Variants in SLC8A1 observed in about 807,000 individuals in gnomAD.
The protein encoded by SLC8A1 is solute carrier family 8 member A1, also known as sodium/calcium exchanger 1.
A neutral mutation model predicts 68.3 loss-of-function variants in SLC8A1; 18 were observed. The observed-to-expected ratio is 0.26, with a 90% confidence interval of 0.18 to 0.39. The LOEUF (loss-of-function observed/expected upper bound fraction) is 0.39, where lower values mean the gene tolerates loss of function less well. SLC8A1 is among the 10% of genes least tolerant of loss of function. The probability of loss-of-function intolerance (pLI) is 1.00; values close to 1 mark genes in which losing one functional copy is unlikely to be tolerated. For missense variants in SLC8A1, 985 were observed against 1,156.7 expected (o/e 0.85, Z 2.15); for synonymous variants, 475 against 415.5 (o/e 1.14, Z -1.74).
chr2:40,155,382 G>T (rs2044285393), intron 6 of SLC8A1, among the ~76,000 whole-genome samples: 2 of 152,106 alleles, frequency 1.3e-5, no homozygotes, highest in Non-Finnish European at 2.9e-5. Flanking sequence ...ACCTGCCTCG[G>T]CCTCCCAAAG....
exon 8 of SLC8A1, chr2:40,108,387 C>T: frequency 6.6e-6 from 1 of 152,140 alleles, no homozygotes; most frequent in Non-Finnish European, 1.5e-5. Flanking sequence ...TTTCTGGAAA[C>T]TGGGATTTAT....
At chr2:40,177,965 G>A in intron 2 of SLC8A1, 1 of 729,018 alleles carries the variant, frequency 1.4e-6, no homozygotes, top group Non-Finnish European at 2.4e-6. Flanking sequence ...AGAACTGGCA[G>A]CACATGGGCC....
chr2:40,243,743 T>G (rs928522427), intron 2 of SLC8A1, among the ~76,000 whole-genome samples: 2 of 152,178 alleles, frequency 1.3e-5, no homozygotes, highest in African/African-American at 4.8e-5. Flanking sequence ...GAAAATACAT[T>G]CACAGTGGGA....
intron 2 of SLC8A1, among the ~76,000 whole-genome samples, chr2:40,258,849 C>CA (rs1169653145): frequency 6.7e-6 from 1 of 149,336 alleles, no homozygotes; most frequent in African/African-American, 2.5e-5. Flanking sequence ...CTCAAAAAAA[C>CA]AAAAAACAAA....
chr2:40,179,972 A>C (rs1354510461), intron 2 of SLC8A1, among the ~76,000 whole-genome samples: 1 of 152,194 alleles, frequency 6.6e-6, no homozygotes, highest in African/African-American at 2.4e-5. Flanking sequence ...GCTAAAGAAC[A>C]TTCTTGAATG....
intron 2 of SLC8A1, among the ~76,000 whole-genome samples, chr2:40,326,823 C>T (rs1008730221): frequency 1.1e-4 from 16 of 152,104 alleles, no homozygotes; most frequent in African/African-American, 3.9e-4. Context: ...TCTGTTTGAT[C>T]CATTTAAATT....
chr2:40,447,740 A>G (rs1377886119), intron 1 of SLC8A1, among the ~76,000 whole-genome samples: 1 of 152,232 alleles, frequency 6.6e-6, no homozygotes, highest in Non-Finnish European at 1.5e-5. Context: ...AGTTTCAGAT[A>G]CTATTTTGCC....
chr2:40,346,678 A>C (rs72943169), intron 2 of SLC8A1, among the ~76,000 whole-genome samples: 2,057 of 152,284 alleles, frequency 0.014, 56 homozygotes, highest in African/African-American at 0.046. Context: ...GAGAGGGGAA[A>C]AAGTCTGAGT....
At chr2:40,476,348 G>T (rs1704297378) in intron 1 of SLC8A1, among the ~76,000 whole-genome samples, 1 of 152,130 alleles carries the variant, frequency 6.6e-6, no homozygotes, top group Non-Finnish European at 1.5e-5. Flanking sequence ...CTTGATACCT[G>T]CTGGAGGCAA....
intron 2 of SLC8A1, among the ~76,000 whole-genome samples, chr2:40,422,342 T>C (rs1211006611): frequency 6.6e-6 from 1 of 152,142 alleles, no homozygotes; most frequent in African/African-American, 2.4e-5. Context: ...AAAACCTCAA[T>C]AGTTCCCATG....
At chr2:40,319,324 T>C (rs571739418) in intron 2 of SLC8A1, among the ~76,000 whole-genome samples, 40 of 152,224 alleles carry the variant, frequency 2.6e-4, no homozygotes, top group African/African-American at 9.4e-4. Flanking sequence ...TTTGCTTTCT[T>C]TCACTATTCT....
intron 7 of SLC8A1, among the ~76,000 whole-genome samples, chr2:40,134,955 A>G (rs1328546503): frequency 2.6e-5 from 4 of 152,248 alleles, no homozygotes; most frequent in Non-Finnish European, 5.9e-5. Context: ...TGACTACTTC[A>G]CAGTTGGTGA....
At chr2:40,451,537 G>C (rs1702486628) in intron 1 of SLC8A1, among the ~76,000 whole-genome samples, 1 of 152,146 alleles carries the variant, frequency 6.6e-6, no homozygotes, top group Non-Finnish European at 1.5e-5. Flanking sequence ...ATTCGGGGTG[G>C]ACTTAGCTCT....
intron 2 of SLC8A1, among the ~76,000 whole-genome samples, chr2:40,381,878 C>T (rs1352349915): frequency 6.6e-6 from 1 of 151,820 alleles, no homozygotes; most frequent in Non-Finnish European, 1.5e-5. Flanking sequence ...AACTCCTCTT[C>T]CATACCTCTC....
intron 2 of SLC8A1, among the ~76,000 whole-genome samples, chr2:40,235,724 C>T (rs2060275343): frequency 6.6e-6 from 1 of 150,948 alleles, no homozygotes; most frequent in Non-Finnish European, 1.5e-5. Context: ...CCTGCTTTCT[C>T]TTGTGGGCAT....
At chr2:40,463,392 A>G (rs1703457177) in intron 1 of SLC8A1, among the ~76,000 whole-genome samples, 1 of 152,088 alleles carries the variant, frequency 6.6e-6, no homozygotes, top group Admixed American at 6.5e-5. Flanking sequence ...GTCGGAATTA[A>G]TTTTTTGCTT....
In SLC8A1 at chr2:40,445,682, A is replaced by G. The variant is rs147830766; in HGVS notation, c.-25+6222T>C. Among the ~76,000 whole-genome samples, 1,219 of 152,316 alleles carry G rather than the reference A, an allele frequency of 8.0e-3. 47 individuals carry two copies. Among genetic ancestry groups the G allele is most frequent in the Admixed American group, 0.062 (946 of 15,300 alleles). On this transcript the variant is annotated intron_variant, in intron 1 of 7. Transcript: ENST00000406785. ...CTGATAAAGAGAAGCTCTTAAAAAGAACTTCTGACAGCTAGCTGCATGTCC... is the reference window on the plus strand; with the variant it reads ...CTGATAAAGAGAAGCTCTTAAAAAGGACTTCTGACAGCTAGCTGCATGTCC...
chr2:40,416,321 T>C (rs146980719), intron 2 of SLC8A1, among the ~76,000 whole-genome samples: 1 of 152,274 alleles, frequency 6.6e-6, no homozygotes, highest in East Asian at 1.9e-4. Flanking sequence ...ATTTAACATA[T>C]ATAATTCTAC....
chr2:40,179,538 A>AC, intron 2 of SLC8A1, among the ~76,000 whole-genome samples: 1 of 152,232 alleles, frequency 6.6e-6, no homozygotes, highest in Non-Finnish European at 1.5e-5. Flanking sequence ...CAACTAACTT[A>AC]TTAGAAGCCT....
Sources: allele counts gnomAD v4.1 joint callset (sites outside exome capture counted in the v4.1 genomes callset), GRCh38; gene constraint gnomAD v4.1.1; transcripts MANE v1.5; gene names NCBI Gene and HGNC (gene_info 2026-07-23, HGNC 2026-07-21).